Variants in NDST3 observed in about 807,000 individuals in gnomAD.
NDST3 encodes N-deacetylase and N-sulfotransferase 3.
Under a neutral mutation model 96.1 loss-of-function variants are expected in NDST3, and 58 were observed. The ratio of observed to expected loss-of-function variants is 0.60; its 90% CI spans 0.49 to 0.75. The LOEUF is 0.75. Ranked by LOEUF, NDST3 falls within the 30% of genes least tolerant of loss-of-function variation. The probability of loss-of-function intolerance (pLI) is 0.00; values close to 1 mark genes in which losing one functional copy is unlikely to be tolerated. For synonymous variants in NDST3, 333 were observed against 359.7 expected (o/e 0.93, Z 0.84); for missense variants, 788 against 1,034.2 (o/e 0.76, Z 3.27).
Position 118,058,634 on chromosome 4 carries a change from T to TGC in NDST3, c.981+3754_981+3755dup, listed in dbSNP as rs72236505. Among the ~76,000 whole-genome samples the TGC allele has an allele frequency of 2.9e-3, 34 of 11,564 alleles. No homozygotes were observed. The East Asian group carries it at 0.036, about 12-fold the overall frequency. 7.6% of individuals were successfully genotyped at this position (11,564 alleles called of 152,430 possible). On this transcript the variant is annotated intron_variant, in intron 2 of 13. Transcript: ENST00000296499. The stretch of plus-strand genomic sequence containing the variant: ...GTGTGTGTGTGTGTGTGTGTGTGTG[T>TGC]GCGCGCGCGCGCACGCATGCATGCA...
At chr4:118,151,280 T>A (rs904203206) in intron 6 of NDST3, among the ~76,000 whole-genome samples, 4 of 152,102 alleles carry the variant, frequency 2.6e-5, no homozygotes, top group African/African-American at 9.7e-5. Context: ...GAGATATACC[T>A]AATGCTAGAT....
At chr4:118,061,446 A>C (rs572356452) in intron 2 of NDST3, among the ~76,000 whole-genome samples, 18 of 152,192 alleles carry the variant, frequency 1.2e-4, no homozygotes, top group Non-Finnish European at 2.2e-4. Context: ...AATTTTGTGC[A>C]TCTCCTTCTA....
At chr4:118,080,335 T>C (rs891911356) in intron 2 of NDST3, among the ~76,000 whole-genome samples, 5 of 151,938 alleles carry the variant, frequency 3.3e-5, no homozygotes, top group Admixed American at 3.3e-4. Context: ...AGGAAAGATA[T>C]AAATCAGGAA....
intron 8 of NDST3, among the ~76,000 whole-genome samples, chr4:118,227,607 CTTTT>C (rs67330081): frequency 1.6e-3 from 174 of 106,112 alleles, no homozygotes; most frequent in Admixed American, 3.4e-3. Flanking sequence ...TCACCATAAA[CTTTT>C]TTTTTTTTTT....
At chr4:118,211,397 A>G (rs933080140) in intron 6 of NDST3, among the ~76,000 whole-genome samples, 3 of 152,082 alleles carry the variant, frequency 2.0e-5, no homozygotes. Context: ...TTCATTTTAT[A>G]TTCAGATTTT....
intron 6 of NDST3, among the ~76,000 whole-genome samples, chr4:118,207,620 G>A (rs1192464090): frequency 1.4e-5 from 2 of 144,674 alleles, no homozygotes; most frequent in Non-Finnish European, 3.1e-5. Flanking sequence ...GACAAGTATA[G>A]ACAATTGCCT....
At chr4:118,107,112 T>C (rs1052997591) in intron 3 of NDST3, among the ~76,000 whole-genome samples, 18 of 148,918 alleles carry the variant, frequency 1.2e-4, no homozygotes, top group Non-Finnish European at 2.4e-4. Context: ...ATAATAATAA[T>C]CATCATCATC....
chr4:118,164,853 A>T (rs1266488728), intron 6 of NDST3, among the ~76,000 whole-genome samples: 1 of 152,198 alleles, frequency 6.6e-6, no homozygotes, highest in East Asian at 1.9e-4. Context: ...TCAGCTTAAA[A>T]TATCAACTTT....
intron 6 of NDST3, among the ~76,000 whole-genome samples, chr4:118,190,581 G>A (rs1172968093): frequency 1.3e-5 from 2 of 152,170 alleles, no homozygotes; most frequent in African/African-American, 4.8e-5. Flanking sequence ...TCTGAGTCCT[G>A]AATTTGCATA....
chr4:118,174,089 T>C (rs1578767428), intron 6 of NDST3, among the ~76,000 whole-genome samples: 1 of 150,192 alleles, frequency 6.7e-6, no homozygotes, highest in African/African-American at 2.5e-5. Flanking sequence ...ATGCTGCGCT[T>C]TGTATAAACA....
chr4:118,047,307 C>T (rs375781523), intron 1 of NDST3, among the ~76,000 whole-genome samples: 5 of 152,144 alleles, frequency 3.3e-5, no homozygotes, highest in South Asian at 2.1e-4. Context: ...TTCTTAGATG[C>T]GAAAGAATCA....
chr4:118,116,789 T>C (rs1467917895), intron 4 of NDST3, among the ~76,000 whole-genome samples: 1 of 150,398 alleles, frequency 6.6e-6, no homozygotes, highest in African/African-American at 2.5e-5. Context: ...ACCCAGGAGG[T>C]GGAGCTTGCA....
At chr4:118,056,758 T>A (rs1429340684) in intron 2 of NDST3, among the ~76,000 whole-genome samples, 3 of 151,968 alleles carry the variant, frequency 2.0e-5, no homozygotes, top group African/African-American at 7.2e-5. Flanking sequence ...ATCCGTTCAG[T>A]TCTTGATATG....
At position 118,114,721 on chromosome 4, in the gene NDST3, G is replaced by A. The variant is rs573417054; in HGVS notation, c.1070-85G>A. The A allele has an allele frequency of 3.2e-5, 45 of 1,402,184 alleles. No individual in the cohort carries two copies. The East Asian group carries it at 6.5e-4, about 20-fold the overall frequency. 86.9% of individuals were successfully genotyped at this position (1,402,184 alleles called of 1,614,324 possible). On this transcript the variant is annotated intron_variant, in intron 3 of 13. Coordinates refer to ENST00000296499, the MANE Select transcript of NDST3 (RefSeq NM_004784.3). ...AATGATGGCTTCTAAATACATATAC[G>A]AGAAAAGATTAAATAGATAAGTAGA...
chr4:118,078,184 C>T (rs1034567552), intron 2 of NDST3, among the ~76,000 whole-genome samples: 5 of 152,220 alleles, frequency 3.3e-5, no homozygotes, highest in African/African-American at 1.2e-4. Flanking sequence ...CAGGCTGGTG[C>T]CCAGCTTCAC....
intron 6 of NDST3, among the ~76,000 whole-genome samples, chr4:118,146,554 A>T (rs1733961434): frequency 6.9e-6 from 1 of 144,014 alleles, no homozygotes; most frequent in East Asian, 1.9e-4. Flanking sequence ...CAGCAAAGGT[A>T]AAAAAACCGT....
At chr4:118,155,741 C>T (rs1734672669) in intron 6 of NDST3, among the ~76,000 whole-genome samples, 1 of 152,062 alleles carries the variant, frequency 6.6e-6, no homozygotes, top group Non-Finnish European at 1.5e-5. Context: ...TTTCCAAGAA[C>T]CTACCAATAA....
chr4:118,193,527 C>G, intron 6 of NDST3: 2 of 978,708 alleles, frequency 2.0e-6, no homozygotes, highest in Non-Finnish European at 3.2e-6. Flanking sequence ...TCTTCCTCAG[C>G]CAGCCTCTCA....
chr4:118,241,114 A>G (rs1578862535), intron 11 of NDST3, among the ~76,000 whole-genome samples: 1 of 152,326 alleles, frequency 6.6e-6, no homozygotes, highest in Admixed American at 6.5e-5. Flanking sequence ...TCTGCCTGGC[A>G]TCAACCTAGA....
Sources: gnomAD v4.1 joint callset for allele counts (sites outside exome capture counted in the v4.1 genomes callset) on GRCh38, gnomAD v4.1.1 for gene constraint, MANE v1.5 for transcripts, NCBI Gene and HGNC (gene_info 2026-07-23, HGNC 2026-07-21) for gene names.